The following CHD2 variants were observed in gnomAD, a reference collection of about 807,000 sequenced individuals.
CHD2 encodes ATP-dependent chromatin remodeler CHD2.
A neutral mutation model predicts 243.9 loss-of-function variants in CHD2; 28 were observed. The observed-to-expected ratio is 0.11, with a 90% CI of 0.09 to 0.16. CHD2 has a LOEUF of 0.16. Ranked by LOEUF, CHD2 falls within the 10% of genes least tolerant of loss-of-function variation. The pLI is 1.00. For synonymous variants in CHD2, 775 were observed against 779.0 expected (o/e 0.99, Z 0.09); for missense variants, 1,386 against 2,209.8 (o/e 0.63, Z 7.47).
intron 16 of CHD2, among the ~76,000 whole-genome samples, chr15:92,964,513 G>A (rs2053730178): frequency 6.6e-6 from 1 of 152,216 alleles, no homozygotes; most frequent in Non-Finnish European, 1.5e-5. Flanking sequence ...ATTAGGTTTA[G>A]TCAAATAGCT....
intron 37 of CHD2, among the ~76,000 whole-genome samples, chr15:93,016,647 C>T (rs1035229231): frequency 4.0e-5 from 6 of 151,696 alleles, no homozygotes; most frequent in East Asian, 1.9e-4. Context: ...ATTAGCTAGG[C>T]GTAGTGGCGT....
At chr15:92,936,767 T>C (rs893962542) in intron 5 of CHD2, among the ~76,000 whole-genome samples, 2 of 152,186 alleles carry the variant, frequency 1.3e-5, no homozygotes, top group African/African-American at 4.8e-5. Flanking sequence ...CTTGAATTTG[T>C]TGAAATTCAT....
At chr15:92,978,946 C>T (rs1219207127) in intron 21 of CHD2, among the ~76,000 whole-genome samples, 189 bp from the exon 22 acceptor site, 1 of 152,194 alleles carries the variant, frequency 6.6e-6, no homozygotes, top group Non-Finnish European at 1.5e-5. Flanking sequence ...CTGTAACCTG[C>T]TGCACATAGT....
At chr15:92,989,075 A>G (rs916855770) in intron 26 of CHD2, among the ~76,000 whole-genome samples, 14 of 125,432 alleles carry the variant, frequency 1.1e-4, no homozygotes, top group Non-Finnish European at 2.0e-4. Flanking sequence ...CCTATCACCC[A>G]GGCTGGAGTG....
At chr15:92,942,471 C>T (rs567080560) in intron 8 of CHD2, among the ~76,000 whole-genome samples, 2 of 146,520 alleles carry the variant, frequency 1.4e-5, no homozygotes, top group African/African-American at 5.1e-5. Flanking sequence ...CCGGGGACTT[C>T]GAGTAGGGGA....
intron 36 of CHD2, among the ~76,000 whole-genome samples, 179 bp downstream of exon 36, chr15:93,012,623 T>G (rs947090107): frequency 2.0e-5 from 3 of 152,238 alleles, no homozygotes; most frequent in African/African-American, 7.2e-5. Flanking sequence ...CTAACATGGT[T>G]GAAATTCTGA....
chr15:92,959,967 A>G (rs1239047060), intron 16 of CHD2, among the ~76,000 whole-genome samples: 1 of 152,252 alleles, frequency 6.6e-6, no homozygotes, highest in Non-Finnish European at 1.5e-5. Context: ...TATCAGTTAA[A>G]GCAAAATTAT....
chr15:92,940,944 TATAA>T (rs1204421322), intron 7 of CHD2, among the ~76,000 whole-genome samples: 166 of 130,022 alleles, frequency 1.3e-3, no homozygotes, highest in African/African-American at 4.5e-3. Context: ...ATAAAATATA[TATAA>T]ATATAAATAT....
intron 5 of CHD2, among the ~76,000 whole-genome samples, chr15:92,934,800 T>C (rs2053236072): frequency 6.6e-6 from 1 of 152,180 alleles, no homozygotes; most frequent in South Asian, 2.1e-4. Context: ...CAAATATACA[T>C]ACACACACAC....
chr15:92,956,056 C>G (rs2053614181), intron 15 of CHD2, among the ~76,000 whole-genome samples: 1 of 152,148 alleles, frequency 6.6e-6, no homozygotes, highest in African/African-American at 2.4e-5. Flanking sequence ...TAAGTGCAAA[C>G]AAGTTGAGTT....
rs116103972 is a variant in CHD2, at chr15:92,962,651, G to A, written c.2001-4674G>A. On this transcript the variant is annotated intron_variant, in intron 16 of 38. Coordinates refer to ENST00000394196, the MANE Select transcript of CHD2 (RefSeq NM_001271.4). Reference sequence around the variant, plus strand: ...TTTGAGTAGTGTTTTGTAAATGTCCGTTCAGTGTGGTGTTAATGGTGTTGT... The same window carrying A: ...TTTGAGTAGTGTTTTGTAAATGTCCATTCAGTGTGGTGTTAATGGTGTTGT... Among the ~76,000 whole-genome samples the A allele has an allele frequency of 2.8e-3, 432 of 151,988 alleles. 1 individual carries two copies. Among genetic ancestry groups the A allele is most frequent in the African/African-American group, 8.5e-3 (352 of 41,386 alleles).
chr15:92,920,145 G>A (rs57423624), intron 2 of CHD2, among the ~76,000 whole-genome samples: 2,281 of 145,246 alleles, frequency 0.016, 58 homozygotes, highest in African/African-American at 0.05. Context: ...CAGAAAAACG[G>A]CTTTTTTTTT....
At chr15:92,984,719 C>G (rs1045246176) in intron 25 of CHD2, among the ~76,000 whole-genome samples, 4 of 152,154 alleles carry the variant, frequency 2.6e-5, no homozygotes, top group African/African-American at 9.7e-5. Flanking sequence ...CAAATTGGCT[C>G]TTTGTGAAGC....
intron 5 of CHD2, among the ~76,000 whole-genome samples, chr15:92,931,525 G>C (rs976069622): frequency 2.6e-5 from 4 of 151,970 alleles, no homozygotes; most frequent in African/African-American, 9.7e-5. Flanking sequence ...GACGACAGGC[G>C]TGCACCACCA....
At chr15:93,015,954 C>CA (rs1300383450) in intron 37 of CHD2, among the ~76,000 whole-genome samples, 5 of 152,062 alleles carry the variant, frequency 3.3e-5, no homozygotes, top group African/African-American at 9.7e-5. Flanking sequence ...AGAGATGCCT[C>CA]AAAAAAATCA....
rs761115271 is a variant in CHD2 at position 93,020,259 on chromosome 15, G to T, written c.5153+1G>T. The T allele has an allele frequency of 6.2e-7, 1 of 1,614,098 alleles. No homozygotes were observed. ...GGGGACACAGAGATTATTATGACAG[G>T]TATGCAAAAGGCTGTGAGACACCAG... On this transcript the variant is annotated splice_donor_variant, in intron 38 of 38. Transcript: ENST00000394196. LOFTEE classifies it high-confidence loss of function.
At chr15:92,926,595 T>C (rs1295013873) in intron 3 of CHD2, among the ~76,000 whole-genome samples, 1 of 152,218 alleles carries the variant, frequency 6.6e-6, no homozygotes, top group Non-Finnish European at 1.5e-5. Flanking sequence ...CTGGTGAGGA[T>C]TGTTACAGGT....
chr15:93,013,893 T>C (rs2141887085), intron 36 of CHD2, among the ~76,000 whole-genome samples: 1 of 112,480 alleles, frequency 8.9e-6, no homozygotes, highest in Admixed American at 1.4e-4. Context: ...TGAGATGGCA[T>C]CACTGAATGC....
chr15:92,983,519 C>T (rs930571417), intron 24 of CHD2, among the ~76,000 whole-genome samples: 1 of 152,144 alleles, frequency 6.6e-6, no homozygotes, highest in Non-Finnish European at 1.5e-5. Context: ...TTATGACTGT[C>T]TCAAAGGCTA....
Sources: allele counts gnomAD v4.1 joint callset (sites outside exome capture counted in the v4.1 genomes callset), GRCh38; gene constraint gnomAD v4.1.1; transcripts MANE v1.5; gene names NCBI Gene and HGNC (gene_info 2026-07-23, HGNC 2026-07-21).